LCA5: variants seen among roughly 807,000 people sequenced by gnomAD.
LCA5 encodes the protein lebercilin LCA5, also known as lebercilin.
In LCA5, 37 loss-of-function variants were observed where a neutral mutation model predicts 53.0. The ratio of observed to expected loss-of-function variants is 0.70; its 90% CI spans 0.54 to 0.92. The LOEUF (loss-of-function observed/expected upper bound fraction) is 0.92, where lower values mean the gene tolerates loss of function less well. Ranked by LOEUF, LCA5 falls within the 40% of genes least tolerant of loss-of-function variation. The pLI, the probability that LCA5 is intolerant of heterozygous loss-of-function variation, is 0.00. For synonymous variants in LCA5, 303 were observed against 282.9 expected (o/e 1.07, Z -0.71); for missense variants, 806 against 790.5 (o/e 1.02, Z -0.23).
intron 3 of LCA5, among the ~76,000 whole-genome samples, chr6:79,511,994 C>T (rs1297045579): frequency 6.6e-6 from 1 of 152,132 alleles, no homozygotes; most frequent in East Asian, 1.9e-4. Flanking sequence ...TGTGTATGCA[C>T]TGCAATTTCA....
chr6:79,516,361 A>C (rs1295699664), intron 2 of LCA5, among the ~76,000 whole-genome samples: 1 of 151,938 alleles, frequency 6.6e-6, no homozygotes, highest in Non-Finnish European at 1.5e-5. Context: ...CATAAAAATA[A>C]TTATGTATAA....
At chr6:79,523,799 T>C (rs66572100) in intron 1 of LCA5, among the ~76,000 whole-genome samples, 20 of 152,156 alleles carry the variant, frequency 1.3e-4, no homozygotes, top group African/African-American at 4.8e-4. Flanking sequence ...CTGCCCCCCC[T>C]CAAATACTTC....
chr6:79,489,143 T>G lies in LCA5; in HGVS notation c.1172A>C (p.Lys391Thr), dbSNP rs531694921. Residue 391 changes from lysine (K) to threonine (T), a missense_variant, in exon 7 of 8, where the codon AAA (lysine) becomes ACA (threonine). By Grantham distance (78) the Lys-to-Thr change is moderately conservative. Transcript: ENST00000369846. ...ILNPIMEREE[K>T]FVTDEELHVV... ...ATGGAGTTCTTCATCTGTAACAAATTTTTCTTCTCTTTCCATAATTGGGTT... is the reference window on the plus strand; with the variant it reads ...ATGGAGTTCTTCATCTGTAACAAATGTTTCTTCTCTTTCCATAATTGGGTT... The G allele has an allele frequency of 6.2e-7, 1 of 1,613,148 alleles. No homozygotes were observed. The highest frequency in any genetic ancestry group is 1.3e-5 in the African/African-American group (1 of 75,010).
chr6:79,530,090 G>A (rs947290378), intron 1 of LCA5, among the ~76,000 whole-genome samples: 2 of 151,896 alleles, frequency 1.3e-5, no homozygotes, highest in African/African-American at 2.4e-5. Flanking sequence ...ATGTACCCTA[G>A]AACTTGAAGT....
chr6:79,497,091 A>G (rs980971968), intron 3 of LCA5, among the ~76,000 whole-genome samples: 13 of 152,220 alleles, frequency 8.5e-5, no homozygotes, highest in Non-Finnish European at 1.5e-4. Flanking sequence ...GAAAAAGCAA[A>G]CTGAAAAACA....
At chr6:79,519,283 A>G (rs1766549680) in intron 1 of LCA5, among the ~76,000 whole-genome samples, 198 bp from the exon 2 acceptor site, 1 of 152,236 alleles carries the variant, frequency 6.6e-6, no homozygotes, top group Non-Finnish European at 1.5e-5. Flanking sequence ...TAGATAGATA[A>G]TAAGTACCTG....
At chr6:79,493,325 A>C (rs1769891742) in intron 4 of LCA5, among the ~76,000 whole-genome samples, 1 of 152,190 alleles carries the variant, frequency 6.6e-6, no homozygotes, top group Non-Finnish European at 1.5e-5. Flanking sequence ...CATGCAACAC[A>C]GTGAAGCTCT....
At chr6:79,525,012 T>C (rs1582651742) in intron 1 of LCA5, among the ~76,000 whole-genome samples, 2 of 152,236 alleles carry the variant, frequency 1.3e-5, no homozygotes, top group South Asian at 4.1e-4. Context: ...ATTTAAAAAA[T>C]TATGCCAATA....
intron 3 of LCA5, among the ~76,000 whole-genome samples, chr6:79,507,062 G>T (rs1046132201): frequency 4.6e-5 from 7 of 152,016 alleles, no homozygotes; most frequent in Non-Finnish European, 1.0e-4. Context: ...ACCTGAAAAG[G>T]CTACCAAAAT....
rs952401856 is a variant in LCA5, at chr6:79,500,495, T to C, written c.721-6745A>G. ...TCTATCAATGTCAGCTGTTTTAACA[T>C]CTGTTCAGTGTTGTTATAGCTCAAT... On this transcript the variant is annotated intron_variant, in intron 3 of 7. Coordinates refer to ENST00000369846, the MANE Select transcript of LCA5 (RefSeq NM_001122769.3). 3.3e-5 allele frequency among the ~76,000 whole-genome samples: 5 copies of C among 152,330 alleles called. No individual in the cohort carries two copies. The East Asian group carries it at 5.8e-4, about 18-fold the overall frequency.
chr6:79,514,816 C>G (rs2127680972), intron 2 of LCA5, among the ~76,000 whole-genome samples: 1 of 152,138 alleles, frequency 6.6e-6, no homozygotes, highest in Non-Finnish European at 1.5e-5. Flanking sequence ...ATGATGAGAA[C>G]ACATAGACAT....
intron 1 of LCA5, among the ~76,000 whole-genome samples, chr6:79,536,705 G>A (rs1213006532): frequency 6.6e-6 from 1 of 152,070 alleles, no homozygotes; most frequent in Non-Finnish European, 1.5e-5. Context: ...ATTATTATCC[G>A]AGAGCTACCA....
intron 3 of LCA5, among the ~76,000 whole-genome samples, chr6:79,499,723 T>C (rs1284849970): frequency 3.3e-5 from 5 of 151,698 alleles, no homozygotes; most frequent in Non-Finnish European, 7.4e-5. Context: ...ACTTTAAGTT[T>C]TAGGGTACAT....
intron 7 of LCA5, chr6:79,488,851 T>TA: frequency 1.8e-6 from 1 of 557,634 alleles, no homozygotes. Flanking sequence ...AACTTGTCCT[T>TA]ATTCCCTAAC....
Position 79,502,675 on chromosome 6 carries a change from A to C in LCA5, c.721-8925T>G, listed in dbSNP as rs574885756. On this transcript the variant is annotated intron_variant, in intron 3 of 7. Transcript: ENST00000369846. ...CTGATAAAATAACCAAAATTATAAT[A>C]TTTTAATTCCTGCTGTCATTTAAAA... Among the ~76,000 whole-genome samples the C allele has an allele frequency of 6.6e-5, 10 of 152,264 alleles. No homozygotes were observed. The South Asian group carries it at 2.1e-3, about 32-fold the overall frequency.
chr6:79,537,670 C>G (rs1041507844), upstream of LCA5, among the ~76,000 whole-genome samples: 1 of 152,210 alleles, frequency 6.6e-6, no homozygotes, highest in Non-Finnish European at 1.5e-5. Flanking sequence ...GGCTCGACTG[C>G]TGAGCGTCGT....
At chr6:79,503,439 G>A (rs113772553) in intron 3 of LCA5, among the ~76,000 whole-genome samples, 15 of 152,152 alleles carry the variant, frequency 9.9e-5, no homozygotes, top group African/African-American at 3.4e-4. Flanking sequence ...CAAATCAGTA[G>A]TTTCAAACCT....
chr6:79,538,021 T>TG (rs1767208320), upstream of LCA5, among the ~76,000 whole-genome samples: 3 of 62,942 alleles, frequency 4.8e-5, no homozygotes, highest in South Asian at 2.0e-3. Context: ...CACACAAGTT[T>TG]TTTTTTTTTT....
chr6:79,487,402 T>C lies in LCA5; in HGVS notation c.1696A>G (p.Arg566Gly). The C allele has an allele frequency of 6.2e-7, 1 of 1,612,950 alleles. No homozygotes were observed. Among genetic ancestry groups the C allele is most frequent in the Non-Finnish European group, 8.5e-7 (1 of 1,179,542 alleles). Residue 566 changes from arginine to glycine, a missense_variant, in exon 8 of 8, where the codon AGG (arginine) becomes GGG (glycine). Transcript: ENST00000369846. ...CTTTTTTGACTAAATGGATTTGACC[T>C]CTCTGATGTTTTTGCAAACGAAGGC... Reference protein sequence around the residue: ...YVPSFAKTSERSNPFSQKSSF... With the variant: ...YVPSFAKTSEGSNPFSQKSSF...
Sources: gnomAD v4.1 joint callset for allele counts (sites outside exome capture counted in the v4.1 genomes callset) on GRCh38, gnomAD v4.1.1 for gene constraint, MANE v1.5 for transcripts, NCBI Gene and HGNC (gene_info 2026-07-23, HGNC 2026-07-21) for gene names.